Variants in MRPL42 observed in about 807,000 individuals in gnomAD.
MRPL42 encodes large ribosomal subunit protein mL42.
A neutral mutation model predicts 17.9 loss-of-function variants in MRPL42; 17 were observed. That is an observed-to-expected ratio of 0.95 (90% CI 0.65 to 1.42). The LOEUF (loss-of-function observed/expected upper bound fraction) is 1.42. Among genes scored for constraint, MRPL42 ranks in the 40% most tolerant of loss-of-function variants. The pLI is 0.00. For synonymous variants in MRPL42, 59 were observed against 54.4 expected, an observed-to-expected ratio of 1.08 and a Z score of -0.37; for missense variants, 177 against 175.2, an observed-to-expected ratio of 1.01 and a Z score of -0.06.
At chr12:93,484,187 G>A (rs1417262488) in intron 4 of MRPL42, among the ~76,000 whole-genome samples, 1 of 152,038 alleles carries the variant, frequency 6.6e-6, no homozygotes, top group Non-Finnish European at 1.5e-5. Flanking sequence ...ATGATAAAAA[G>A]TATATAGTAT....
intron 4 of MRPL42, among the ~76,000 whole-genome samples, chr12:93,480,102 C>T (rs1020905371): frequency 1.3e-5 from 2 of 151,662 alleles, no homozygotes; most frequent in Non-Finnish European, 2.9e-5. Flanking sequence ...TTCTTTAAGC[C>T]TCCTTCTACT....
Position 93,514,626 on chromosome 12 carries a change from G to A in MRPL42, c.*13405G>A, listed in dbSNP as rs921861979. 2 of 152,040 alleles carry A rather than the reference G, an allele frequency of 1.3e-5. No individual in the cohort carries two copies. The highest frequency in any genetic ancestry group is 2.9e-5 in the Non-Finnish European group (2 of 67,998). 9.4% of individuals were successfully genotyped at this position (152,040 alleles called of 1,614,324 possible). A position where few individuals can be genotyped will look rare whatever the true frequency, so the allele number is the denominator to read the frequency against. ...CCTTATATTGAGTGGAAATCAGTCT[G>A]CTTATGGTTTATAATCCTCAGACTT... On this transcript the variant is annotated 3_prime_UTR_variant, in exon 6 of 6. Transcript: ENST00000549982.
chr12:93,510,472 T>C lies in MRPL42; in HGVS notation c.*9251T>C, dbSNP rs1485520903. 4.6e-5 allele frequency: 7 copies of C among 152,306 alleles called. No homozygotes were observed. In the East Asian group the frequency reaches 9.6e-4, roughly 21 times the overall value. 9.4% of individuals were successfully genotyped at this position (152,306 alleles called of 1,614,324 possible). On this transcript the variant is annotated 3_prime_UTR_variant, in exon 6 of 6. Transcript: ENST00000549982. ...TTTGGGTAAATACCAAAGAGCACAATTGTTGGATTGAATGCTAAGAGAATG... is the reference window on the plus strand; with the variant it reads ...TTTGGGTAAATACCAAAGAGCACAACTGTTGGATTGAATGCTAAGAGAATG...
intron 2 of MRPL42, among the ~76,000 whole-genome samples, chr12:93,471,641 C>T (rs1291436834): frequency 1.3e-5 from 2 of 152,160 alleles, no homozygotes; most frequent in South Asian, 2.1e-4. Flanking sequence ...ATCCCTGCTT[C>T]CTTGCTTGCC....
chr12:93,488,562 TTAAG>T, intron 5 of MRPL42: 1 of 323,912 alleles, frequency 3.1e-6, no homozygotes, highest in Non-Finnish European at 5.5e-6. Context: ...CATTTTCCTG[TTAAG>T]TAATTGATTG....
At chr12:93,474,032 A>G (rs1880037823) in intron 2 of MRPL42, among the ~76,000 whole-genome samples, 1 of 152,210 alleles carries the variant, frequency 6.6e-6, no homozygotes, top group Non-Finnish European at 1.5e-5. Flanking sequence ...ATCTAGCAAC[A>G]CTAAGAATGC....
chr12:93,506,613 G>A lies in MRPL42; in HGVS notation c.*5392G>A, dbSNP rs1035801616. ...TTGTCTCTAAGCATGTAATCTTTTC[G>A]GCAAATTTTATTAAGCACCTATAGA... On this transcript the variant is annotated 3_prime_UTR_variant, in exon 6 of 6. Coordinates refer to ENST00000549982, the MANE Select transcript of MRPL42 (RefSeq NM_014050.4). 2 of 151,914 alleles carry A rather than the reference G, an allele frequency of 1.3e-5. No homozygotes were observed. The highest frequency in any genetic ancestry group is 2.4e-5 in the African/African-American group (1 of 41,384). 9.4% of individuals were successfully genotyped at this position (151,914 alleles called of 1,614,324 possible).
At chr12:93,493,969 T>C (rs1431172884) in intron 5 of MRPL42, among the ~76,000 whole-genome samples, 5 of 86,590 alleles carry the variant, frequency 5.8e-5, no homozygotes, top group Admixed American at 2.8e-4. Flanking sequence ...CTAGCTTTAC[T>C]GATACTGTGA....
intron 4 of MRPL42, 95 bp from the exon 5 acceptor site, chr12:93,487,402 A>G (rs1218292931): frequency 2.6e-6 from 3 of 1,172,696 alleles, no homozygotes; most frequent in African/African-American, 1.5e-5. Context: ...ACTATAGTGA[A>G]TTACTGAATA....
chr12:93,476,822 C>A, intron 2 of MRPL42, 132 bp from the exon 3 acceptor site: 2 of 763,864 alleles, frequency 2.6e-6, no homozygotes, highest in Non-Finnish European at 4.5e-6. Flanking sequence ...GTTGTTGAAT[C>A]CCTAGCCCCT....
In MRPL42 at chr12:93,505,152, G is replaced by T. The variant is rs1219801671; in HGVS notation, c.*3931G>T. On this transcript the variant is annotated 3_prime_UTR_variant, in exon 6 of 6. Transcript: ENST00000549982. ...GTCACATCATGCCCTAATTCTACTT[G>T]CCTGTAGCTAAACACCTAATAACAT... 6.6e-6 allele frequency: 1 copy of T among 152,096 alleles called. No homozygotes were observed. Among genetic ancestry groups the T allele is most frequent in the Non-Finnish European group, 1.5e-5 (1 of 68,034 alleles). 9.4% of individuals were successfully genotyped at this position (152,096 alleles called of 1,614,324 possible).
rs1953633638 is a variant in MRPL42 at position 93,503,974 on chromosome 12, T to A, written c.*2753T>A. ...CCTGGTGGATTATTACCATTTTCTT[T>A]TTTTATTTTTTTTTTAAATTTATTT... On this transcript the variant is annotated 3_prime_UTR_variant, in exon 6 of 6. Coordinates refer to ENST00000549982, the MANE Select transcript of MRPL42 (RefSeq NM_014050.4). 1 of 146,094 alleles carries A rather than the reference T, an allele frequency of 6.8e-6. No individual in the cohort carries two copies. Among genetic ancestry groups the A allele is most frequent in the South Asian group, 2.2e-4 (1 of 4,646 alleles). 9.0% of individuals were successfully genotyped at this position (146,094 alleles called of 1,614,324 possible). A position where few individuals can be genotyped will look rare whatever the true frequency, so the allele number is the denominator to read the frequency against.
intron 5 of MRPL42, among the ~76,000 whole-genome samples, chr12:93,488,117 C>T (rs1371867772): frequency 2.0e-5 from 3 of 152,110 alleles, no homozygotes; most frequent in Non-Finnish European, 2.9e-5. Flanking sequence ...ACTACAGGCG[C>T]ATGCCACTAT....
rs1953714559 is a variant in MRPL42 at position 93,510,336 on chromosome 12, C to T, written c.*9115C>T. ...CTGGGTGTACAACAGTTTATCCATT[C>T]ACCTGCTGAAGGACATCTTGGTTGA... On this transcript the variant is annotated 3_prime_UTR_variant, in exon 6 of 6. Coordinates refer to ENST00000549982, the MANE Select transcript of MRPL42 (RefSeq NM_014050.4). 1.3e-5 allele frequency: 2 copies of T among 152,180 alleles called. No individual in the cohort carries two copies. The highest frequency in any genetic ancestry group is 4.1e-4 in the South Asian group (2 of 4,830). 9.4% of individuals were successfully genotyped at this position (152,180 alleles called of 1,614,324 possible).
intron 3 of MRPL42, 147 bp from the exon 4 acceptor site, chr12:93,479,241 G>A (rs1020957728): frequency 1.5e-5 from 6 of 390,626 alleles, no homozygotes; most frequent in South Asian, 5.4e-5. Flanking sequence ...TTATTAGGCC[G>A]GGCACTAATT....
At chr12:93,470,595 T>C in intron 2 of MRPL42, 1 of 1,210,348 alleles carries the variant, frequency 8.3e-7, no homozygotes, top group Non-Finnish European at 1.1e-6. Flanking sequence ...CAATAGGTAG[T>C]TTTTCAACTC....
chr12:93,502,715 T>C lies in MRPL42; in HGVS notation c.*1494T>C, dbSNP rs974906944. On this transcript the variant is annotated 3_prime_UTR_variant, in exon 6 of 6. Coordinates refer to ENST00000549982, the MANE Select transcript of MRPL42 (RefSeq NM_014050.4). ...TTTGGTTTTCTTTCAGGTTGACTTA[T>C]ATCCAAAATTCTACAAATTCTTAGC... 1 of 152,248 alleles carries C rather than the reference T, an allele frequency of 6.6e-6. No individual in the cohort carries two copies. The highest frequency in any genetic ancestry group is 6.5e-5 in the Admixed American group (1 of 15,288). The allele number at this position is 152,248 out of a possible 1,614,324, so 9.4% of individuals were successfully genotyped here. A position where few individuals can be genotyped will look rare whatever the true frequency, so the allele number is the denominator to read the frequency against.
At position 93,468,498 on chromosome 12, in the gene MRPL42, T is replaced by G. The variant is rs79943404; in HGVS notation, c.-94-694T>G. On this transcript the variant is annotated intron_variant, in intron 1 of 5. Transcript: ENST00000549982. The stretch of plus-strand genomic sequence containing the variant: ...TGGCAGTGACTGACTCTAAAGTCCT[T>G]GGAAGCAAGACGTTTAAATTTTGTA... Among the ~76,000 whole-genome samples, 277 of 152,314 alleles carry G rather than the reference T, an allele frequency of 1.8e-3. 1 individual carries two copies. Among genetic ancestry groups the G allele is most frequent in the African/African-American group, 6.4e-3 (265 of 41,564 alleles).
At chr12:93,498,185 G>GA (rs1953540411) in intron 5 of MRPL42, among the ~76,000 whole-genome samples, 1 of 1,496 alleles carries the variant, frequency 6.7e-4, no homozygotes, top group Admixed American at 6.8e-3. Flanking sequence ...ATCTTGTTTT[G>GA]TGTACTACAG....
Sources: gnomAD v4.1 joint callset for allele counts (sites outside exome capture counted in the v4.1 genomes callset) on GRCh38, gnomAD v4.1.1 for gene constraint, MANE v1.5 for transcripts, NCBI Gene and HGNC (gene_info 2026-07-23, HGNC 2026-07-21) for gene names.